POTEF: variants seen among roughly 807,000 people sequenced by gnomAD.
POTEF encodes ANKRD26-like family C member 1B.
A neutral mutation model predicts 83.2 loss-of-function variants in POTEF; 20 were observed. That is an observed-to-expected ratio of 0.24 (90% CI 0.17 to 0.35). The LOEUF (loss-of-function observed/expected upper bound fraction) is 0.35, where lower values mean the gene tolerates loss of function less well. POTEF is among the 10% of genes least tolerant of loss of function. The pLI is 1.00. For missense variants in POTEF, 550 were observed against 1,203.2 expected (o/e 0.46, Z 8.03); for synonymous variants, 196 against 446.4 (o/e 0.44, Z 7.07).
intron 2 of POTEF, among the ~76,000 whole-genome samples, chr2:130,122,645 CAAT>C (rs1352432546): frequency 6.6e-6 from 1 of 151,442 alleles, no homozygotes; most frequent in African/African-American, 2.4e-5. Context: ...GAAATTTTGA[CAAT>C]ATTAATTTTT....
At chr2:130,122,583 T>C (rs2104830937) in intron 2 of POTEF, among the ~76,000 whole-genome samples, 1 of 150,230 alleles carries the variant, frequency 6.7e-6, no homozygotes, top group Non-Finnish European at 1.5e-5. Flanking sequence ...AAGAATGACA[T>C]TGGAATTTGA....
At chr2:130,128,267 G>C (rs1474868206) in intron 1 of POTEF, among the ~76,000 whole-genome samples, 2 of 151,460 alleles carry the variant, frequency 1.3e-5, no homozygotes, top group Non-Finnish European at 2.9e-5. Context: ...AGCATGGGGT[G>C]TGGGCGGGAG....
At chr2:130,106,195 T>A (rs1004977185) in intron 8 of POTEF, among the ~76,000 whole-genome samples, 13 of 150,908 alleles carry the variant, frequency 8.6e-5, no homozygotes, top group African/African-American at 2.7e-4. Context: ...AGGATATCAA[T>A]GAACAACCAA....
At position 130,120,335 on chromosome 2, in the gene POTEF, T is replaced by C; in HGVS notation, c.181A>G (p.Met61Val). Residue 61 changes from methionine (M) to valine (V), a missense_variant, in exon 3 of 17, where the codon ATG (methionine) becomes GTG (valine). Physicochemically the swap from Met to Val is conservative, Grantham distance 21. Transcript: ENST00000409914. Reference sequence around the variant, plus strand: ...AAGCAGTGGCGGCACCACTTGCCCATCTTGCTCCTGAGTGTCTTCATAGCA... The same window carrying C: ...AAGCAGTGGCGGCACCACTTGCCCACCTTGCTCCTGAGTGTCTTCATAGCA... ...DSAMKTLRSK[M>V]GKWCRHCFPC... 6.2e-7 allele frequency: 1 copy of C among 1,608,188 alleles called. No individual in the cohort carries two copies. Among genetic ancestry groups the C allele is most frequent in the South Asian group, 1.1e-5 (1 of 90,914 alleles).
intron 7 of POTEF, among the ~76,000 whole-genome samples, chr2:130,110,059 T>C (rs957406678): frequency 6.6e-6 from 1 of 151,382 alleles, no homozygotes; most frequent in South Asian, 2.1e-4. Flanking sequence ...ACAGAATGAT[T>C]GCAATGTCTT....
In POTEF at chr2:130,106,148, T is replaced by C. The variant is rs3990555; in HGVS notation, c.1126+1861A>G. 1.1e-4 allele frequency among the ~76,000 whole-genome samples: 16 copies of C among 150,390 alleles called. No individual in the cohort carries two copies. The South Asian group carries it at 1.3e-3, about 12-fold the overall frequency. On this transcript the variant is annotated intron_variant, in intron 8 of 16. Coordinates refer to ENST00000409914, the MANE Select transcript of POTEF (RefSeq NM_001099771.2). ...GAAAGGAGACGTGAATAAAACACTGTCAACAGCACAGCTGAAAGAGGGAAA... is the reference window on the plus strand; with the variant it reads ...GAAAGGAGACGTGAATAAAACACTGCCAACAGCACAGCTGAAAGAGGGAAA...
chr2:130,115,603 G>C (rs561275636), intron 3 of POTEF, among the ~76,000 whole-genome samples: 34 of 152,248 alleles, frequency 2.2e-4, no homozygotes, highest in African/African-American at 7.9e-4. Context: ...CCTGGCTGTT[G>C]CTTAGCCTTT....
chr2:130,121,329 G>A (rs1187503456), intron 2 of POTEF, among the ~76,000 whole-genome samples: 1 of 149,846 alleles, frequency 6.7e-6, no homozygotes, highest in Non-Finnish European at 1.5e-5. Flanking sequence ...CCTCTTAAAG[G>A]AGGACTGGGG....
intron 5 of POTEF, among the ~76,000 whole-genome samples, chr2:130,114,359 T>C (rs1684786635): frequency 6.6e-6 from 1 of 150,580 alleles, no homozygotes; most frequent in African/African-American, 2.5e-5. Flanking sequence ...CAAATTGGCC[T>C]TGATATTTCT....
At chr2:130,117,451 A>G (rs964704320) in intron 3 of POTEF, among the ~76,000 whole-genome samples, 3 of 152,112 alleles carry the variant, frequency 2.0e-5, no homozygotes, top group South Asian at 2.1e-4. Flanking sequence ...GAAATCACAG[A>G]TAAGAGAAAG....
At chr2:130,115,963 A>G (rs947358591) in intron 3 of POTEF, among the ~76,000 whole-genome samples, 1 of 152,028 alleles carries the variant, frequency 6.6e-6, no homozygotes, top group Non-Finnish European at 1.5e-5. Flanking sequence ...TAATTCTCTT[A>G]TTGAGGCATA....
Position 130,109,004 on chromosome 2 carries a change from T to C in POTEF, c.1056-925A>G, listed in dbSNP as rs1417903782. On this transcript the variant is annotated intron_variant, in intron 7 of 16. Coordinates refer to ENST00000409914, the MANE Select transcript of POTEF (RefSeq NM_001099771.2). The stretch of plus-strand genomic sequence containing the variant: ...AAGTAGCAAGCTGACATTCTGTAAT[T>C]TTCGACATACATACTAACAATATAT... Among the ~76,000 whole-genome samples the C allele has an allele frequency of 2.0e-5, 3 of 151,446 alleles. 1 individual carries two copies. The highest frequency in any genetic ancestry group is 6.6e-5 in the Admixed American group (1 of 15,220).
intron 15 of POTEF, among the ~76,000 whole-genome samples, chr2:130,082,883 C>CGCCGT (rs1284069804): frequency 1.9e-3 from 6 of 3,162 alleles, no homozygotes; most frequent in Non-Finnish European, 3.3e-3. Flanking sequence ...TCAGGAAGGA[C>CGCCGT]ATCAGTAGCC....
chr2:130,120,700 C>A (rs1684979051), intron 2 of POTEF, 92 bp from the exon 3 acceptor site: 1 of 992,994 alleles, frequency 1.0e-6, no homozygotes, highest in African/African-American at 1.8e-5. Flanking sequence ...AAAACCCACA[C>A]CCACCCGAGG....
chr2:130,103,386 A>C (rs1276889374), intron 8 of POTEF, among the ~76,000 whole-genome samples: 1 of 150,778 alleles, frequency 6.6e-6, no homozygotes, highest in Non-Finnish European at 1.5e-5. Flanking sequence ...GGTGTGAGCC[A>C]CCACACTTGT....
In POTEF at chr2:130,108,763, A is replaced by C. The variant is rs557312105; in HGVS notation, c.1056-684T>G. Among the ~76,000 whole-genome samples, 1,184 of 149,074 alleles carry C rather than the reference A, an allele frequency of 7.9e-3. 12 individuals carry two copies. Among genetic ancestry groups the C allele is most frequent in the Middle Eastern group, 0.035 (10 of 288 alleles). The stretch of plus-strand genomic sequence containing the variant: ...TCATAAATATCTCATTAAAGTAGAT[A>C]ATGTGATTGTCCACTATTACGGAGT... On this transcript the variant is annotated intron_variant, in intron 7 of 16. Transcript: ENST00000409914.
In POTEF at chr2:130,117,318, T is replaced by C. The variant is rs566146014; in HGVS notation, c.522-1990A>G. On this transcript the variant is annotated intron_variant, in intron 3 of 16. Transcript: ENST00000409914. The stretch of plus-strand genomic sequence containing the variant: ...TTCACGGAAGATAGCCAACCACAGA[T>C]AGAAAAATAAATAATAGAATGTGAC... 9.9e-4 allele frequency among the ~76,000 whole-genome samples: 150 copies of C among 152,012 alleles called. 2 individuals are homozygous for C. Among genetic ancestry groups the C allele is most frequent in the African/African-American group, 3.4e-3 (142 of 41,340 alleles).
intron 9 of POTEF, among the ~76,000 whole-genome samples, 164 bp from the exon 10 acceptor site, chr2:130,100,884 A>T (rs545610473): frequency 1.4e-5 from 2 of 146,358 alleles, no homozygotes; most frequent in Admixed American, 1.3e-4. Flanking sequence ...AATAAATAAT[A>T]ATTAAAATTA....
intron 5 of POTEF, among the ~76,000 whole-genome samples, chr2:130,113,341 C>CAA (rs3030046): frequency 2.8e-3 from 222 of 80,636 alleles, no homozygotes; most frequent in Admixed American, 5.4e-3. Flanking sequence ...GACCCCATCT[C>CAA]AAAAAAAAAA....
Sources: allele counts gnomAD v4.1 joint callset (sites outside exome capture counted in the v4.1 genomes callset), GRCh38; gene constraint gnomAD v4.1.1; transcripts MANE v1.5; gene names NCBI Gene and HGNC (gene_info 2026-07-23, HGNC 2026-07-21).